The following SMYD3 variants were observed in gnomAD, a reference collection of about 807,000 sequenced individuals.
SMYD3 encodes SET and MYND domain containing 3.
Under a neutral mutation model 57.7 loss-of-function variants are expected in SMYD3, and 36 were observed. That is an observed-to-expected ratio of 0.62 (90% confidence interval 0.48 to 0.82). The LOEUF is 0.82. Ranked by LOEUF, SMYD3 falls within the 40% of genes least tolerant of loss-of-function variation. The pLI is 0.00. For synonymous variants in SMYD3, 211 were observed against 195.0 expected (o/e 1.08, Z -0.68); for missense variants, 515 against 538.8 (o/e 0.96, Z 0.44).
chr1:246,149,766 T>G (rs1225278458), intron 5 of SMYD3, among the ~76,000 whole-genome samples: 1 of 152,198 alleles, frequency 6.6e-6, no homozygotes, highest in Non-Finnish European at 1.5e-5. Context: ...TAAATTAACA[T>G]CAAATCCTCA....
At chr1:245,793,128 T>C (rs1221939496) in intron 10 of SMYD3, among the ~76,000 whole-genome samples, 4 of 145,520 alleles carry the variant, frequency 2.7e-5, no homozygotes, top group South Asian at 2.3e-4. Context: ...GCTAACACGG[T>C]GAAACCCCGT....
intron 5 of SMYD3, among the ~76,000 whole-genome samples, chr1:246,121,701 C>T (rs766222679): frequency 2.0e-5 from 3 of 152,108 alleles, no homozygotes; most frequent in Non-Finnish European, 4.4e-5. Flanking sequence ...ACCCTCCAGG[C>T]CAGTAACTAC....
At chr1:245,865,635 A>G (rs1185681033) in intron 8 of SMYD3, among the ~76,000 whole-genome samples, 2 of 152,236 alleles carry the variant, frequency 1.3e-5, no homozygotes, top group African/African-American at 2.4e-5. Context: ...ATGCTCAGCA[A>G]GTCCTGCTTA....
At chr1:246,320,702 A>G (rs899862653) in intron 5 of SMYD3, among the ~76,000 whole-genome samples, 6 of 152,204 alleles carry the variant, frequency 3.9e-5, no homozygotes, top group African/African-American at 1.4e-4. Context: ...AAAAAATTAT[A>G]TATTTTTCTA....
intron 5 of SMYD3, among the ~76,000 whole-genome samples, chr1:246,267,551 C>T (rs1172562369): frequency 6.6e-6 from 1 of 152,192 alleles, no homozygotes; most frequent in Non-Finnish European, 1.5e-5. Context: ...ATATAGAAAA[C>T]AGATCTTATC....
At chr1:246,143,700 A>C (rs1479556097) in intron 5 of SMYD3, among the ~76,000 whole-genome samples, 1 of 152,128 alleles carries the variant, frequency 6.6e-6, no homozygotes, top group Non-Finnish European at 1.5e-5. Context: ...AAGCAGCACT[A>C]TATGAATCAT....
intron 1 of SMYD3, among the ~76,000 whole-genome samples, chr1:246,402,943 CTGG>C (rs1259352584): frequency 6.6e-6 from 1 of 152,166 alleles, no homozygotes; most frequent in Non-Finnish European, 1.5e-5. Context: ...CTATTATGCA[CTGG>C]TGGTAGTCAA....
intron 5 of SMYD3, among the ~76,000 whole-genome samples, chr1:246,136,166 C>T (rs1477185313): frequency 1.3e-5 from 2 of 152,144 alleles, no homozygotes; most frequent in African/African-American, 2.4e-5. Flanking sequence ...GTTAATGGCA[C>T]ATATAACACA....
At chr1:246,226,086 T>G (rs2063326400) in intron 5 of SMYD3, among the ~76,000 whole-genome samples, 1 of 152,212 alleles carries the variant, frequency 6.6e-6, no homozygotes. Context: ...CTTTGAAGTT[T>G]CTTCTTGCCT....
At chr1:245,848,761 A>G (rs2050798254) in intron 10 of SMYD3, among the ~76,000 whole-genome samples, 1 of 152,100 alleles carries the variant, frequency 6.6e-6, no homozygotes, top group Admixed American at 6.6e-5. Context: ...CTCAAGAGCC[A>G]AGCAAGGTAG....
At chr1:246,411,838 G>C (rs1420922376) in intron 1 of SMYD3, among the ~76,000 whole-genome samples, 2 of 109,908 alleles carry the variant, frequency 1.8e-5, no homozygotes, top group Admixed American at 1.0e-4. Context: ...GGTTGGGGGA[G>C]GGGGGAGGGA....
intron 1 of SMYD3, among the ~76,000 whole-genome samples, chr1:246,456,853 AAGG>A: frequency 6.6e-6 from 1 of 152,312 alleles, no homozygotes; most frequent in Admixed American, 6.5e-5. Flanking sequence ...CAAAGTTATG[AAGG>A]AGGACACAAG....
chr1:245,962,394 G>A (rs2058032970), intron 5 of SMYD3, among the ~76,000 whole-genome samples: 1 of 152,178 alleles, frequency 6.6e-6, no homozygotes, highest in Non-Finnish European at 1.5e-5. Flanking sequence ...TTTTGCGGAT[G>A]TTGATCCCAG....
chr1:246,346,175 T>G (rs1397540108), intron 2 of SMYD3, among the ~76,000 whole-genome samples: 1 of 152,034 alleles, frequency 6.6e-6, no homozygotes, highest in Non-Finnish European at 1.5e-5. Context: ...TCCCAGCTCC[T>G]CGGGAGGCTG....
intron 1 of SMYD3, among the ~76,000 whole-genome samples, chr1:246,407,869 T>A (rs971333480): frequency 1.7e-5 from 2 of 120,624 alleles, no homozygotes; most frequent in African/African-American, 5.9e-5. Flanking sequence ...ATAAATAAAT[T>A]ATATATATAT....
At chr1:246,042,369 A>T (rs2059893429) in intron 5 of SMYD3, among the ~76,000 whole-genome samples, 1 of 152,174 alleles carries the variant, frequency 6.6e-6, no homozygotes. Context: ...AACGTATAAG[A>T]ATATAACTGT....
chr1:246,234,286 T>G (rs12140567), intron 5 of SMYD3, among the ~76,000 whole-genome samples: 30,697 of 148,874 alleles, frequency 0.21, 3,667 homozygotes, highest in East Asian at 0.57. Context: ...CACACTGTGA[T>G]GAACATACAC....
At chr1:246,392,893 A>G (rs761071488) in intron 1 of SMYD3, among the ~76,000 whole-genome samples, 20 of 152,198 alleles carry the variant, frequency 1.3e-4, no homozygotes, top group Non-Finnish European at 2.5e-4. Flanking sequence ...AACATGTTCA[A>G]CATCATCAAT....
chr1:245,762,816 G>C (rs1445440763), intron 11 of SMYD3, among the ~76,000 whole-genome samples: 1 of 152,304 alleles, frequency 6.6e-6, no homozygotes, highest in Non-Finnish European at 1.5e-5. Flanking sequence ...CCGGCCCCTG[G>C]ACACGCCCTG....
Sources: gnomAD v4.1 joint callset for allele counts (sites outside exome capture counted in the v4.1 genomes callset) on GRCh38, gnomAD v4.1.1 for gene constraint, MANE v1.5 for transcripts, NCBI Gene and HGNC (gene_info 2026-07-23, HGNC 2026-07-21) for gene names.